Variants in CLNK observed in about 807,000 individuals in gnomAD.
CLNK encodes the protein cytokine-dependent hematopoietic cell linker.
In CLNK, 74 loss-of-function variants were observed where a neutral mutation model predicts 68.6. The ratio of observed to expected loss-of-function variants is 1.08; its 90% CI spans 0.89 to 1.31. CLNK has a LOEUF of 1.31. Among genes scored for constraint, CLNK ranks in the 50% most tolerant of loss-of-function variants. The pLI is 0.00. For synonymous variants in CLNK, 198 were observed against 172.2 expected (o/e 1.15, Z -1.17); for missense variants, 553 against 515.3 (o/e 1.07, Z -0.71).
intron 16 of CLNK, among the ~76,000 whole-genome samples, chr4:10,511,535 T>C (rs1038726022): frequency 6.6e-6 from 1 of 152,190 alleles, no homozygotes; most frequent in African/African-American, 2.4e-5. Flanking sequence ...ACCTCCTTCC[T>C]CAGGGCCCAG....
intron 2 of CLNK, among the ~76,000 whole-genome samples, chr4:10,663,682 A>G (rs1724281436): frequency 6.6e-6 from 1 of 152,206 alleles, no homozygotes; most frequent in South Asian, 2.1e-4. Context: ...ATTCATTTAT[A>G]CTTATAAAAT....
Position 10,667,452 on chromosome 4 carries a change from C to T in CLNK, c.11+407G>A, listed in dbSNP as rs74990479. On this transcript the variant is annotated intron_variant, in intron 2 of 18. Transcript: ENST00000226951. Reference sequence around the variant, plus strand: ...TAATCAGGCACAAATTTCGGTGTCTCAGACTGACCACACCACTTTTGGTGT... The same window carrying T: ...TAATCAGGCACAAATTTCGGTGTCTTAGACTGACCACACCACTTTTGGTGT... 1.7e-3 allele frequency among the ~76,000 whole-genome samples: 247 copies of T among 145,832 alleles called. 1 individual carries two copies. The highest frequency in any genetic ancestry group is 6.0e-3 in the African/African-American group (235 of 39,454).
rs148876788 is a variant in CLNK, at chr4:10,665,924, A to G, written c.11+1935T>C. 4.2e-4 allele frequency among the ~76,000 whole-genome samples: 64 copies of G among 152,350 alleles called. No homozygotes were observed. The East Asian group carries it at 0.011, about 25-fold the overall frequency. The stretch of plus-strand genomic sequence containing the variant: ...AAAAGCATCTTTGCAGATGTAGTTA[A>G]GGATCTTGATAAGAAATCATTTCTG... On this transcript the variant is annotated intron_variant, in intron 2 of 18. Transcript: ENST00000226951.
At chr4:10,610,452 G>C (rs1721969600) in intron 2 of CLNK, among the ~76,000 whole-genome samples, 1 of 151,656 alleles carries the variant, frequency 6.6e-6, no homozygotes, top group Admixed American at 6.6e-5. Context: ...TTGATGCCCA[G>C]GTTTCCAGAA....
intron 2 of CLNK, among the ~76,000 whole-genome samples, chr4:10,645,432 C>T (rs149941448): frequency 6.6e-6 from 1 of 152,146 alleles, no homozygotes; most frequent in South Asian, 2.1e-4. Context: ...CTGAAATATC[C>T]ATTCCTCTCC....
At chr4:10,636,799 G>A (rs1471557776) in intron 2 of CLNK, among the ~76,000 whole-genome samples, 2 of 152,214 alleles carry the variant, frequency 1.3e-5, no homozygotes, top group African/African-American at 2.4e-5. Context: ...AAGGTGCTGT[G>A]TGGTCACTGC....
intron 4 of CLNK, among the ~76,000 whole-genome samples, chr4:10,573,862 C>T (rs558711936): frequency 2.0e-4 from 31 of 152,250 alleles, no homozygotes; most frequent in Non-Finnish European, 4.4e-4. Flanking sequence ...GGAGCCTCTT[C>T]TCCCTCTCAC....
chr4:10,630,014 G>A (rs565935935), intron 2 of CLNK, among the ~76,000 whole-genome samples: 3 of 152,274 alleles, frequency 2.0e-5, no homozygotes, highest in East Asian at 1.9e-4. Flanking sequence ...TGGGGACCAC[G>A]GCAGTGCAAA....
chr4:10,733,959 C>T, the CLNK span, among the ~76,000 whole-genome samples: 105 of 152,260 alleles, frequency 6.9e-4, no homozygotes, highest in Non-Finnish European at 1.2e-3. Context: ...TAAAGTTAGT[C>T]TATGGCCAGC....
chr4:10,536,068 A>G (rs1223023192), intron 11 of CLNK, among the ~76,000 whole-genome samples: 4 of 152,190 alleles, frequency 2.6e-5, no homozygotes, highest in Admixed American at 2.6e-4. Context: ...AGAGAATAGC[A>G]GAGCTGGCAG....
At chr4:10,502,348 C>T (rs6855862) in intron 17 of CLNK, among the ~76,000 whole-genome samples, 3,887 of 152,030 alleles carry the variant, frequency 0.026, 185 homozygotes, top group African/African-American at 0.09. Context: ...CTTATAAAAC[C>T]ATCCTATCTC....
intron 12 of CLNK, chr4:10,531,556 C>A (rs1203051259): frequency 2.3e-5 from 7 of 306,216 alleles, no homozygotes; most frequent in Non-Finnish European, 4.6e-5. Flanking sequence ...CCTTCCTCAG[C>A]CTCCCGAGTA....
chr4:10,487,687 A>G lies in CLNK; in HGVS notation c.*2780T>C, dbSNP rs1383750264. On this transcript the variant is annotated 3_prime_UTR_variant, in exon 19 of 19. Coordinates refer to ENST00000226951, the MANE Select transcript of CLNK (RefSeq NM_052964.4). ...AGACAATGACTTAACAGGATGGGGCACTAAGACCCAGACATTACTGCCCAG... is the reference window on the plus strand; with the variant it reads ...AGACAATGACTTAACAGGATGGGGCGCTAAGACCCAGACATTACTGCCCAG... 1 of 151,978 alleles carries G rather than the reference A, an allele frequency of 6.6e-6. No homozygotes were observed. Among genetic ancestry groups the G allele is most frequent in the Non-Finnish European group, 1.5e-5 (1 of 68,016 alleles). The allele number at this position is 151,978 out of a possible 1,614,324, so 9.4% of individuals were successfully genotyped here. A position where few individuals can be genotyped will look rare whatever the true frequency, so the allele number is the denominator to read the frequency against.
chr4:10,501,213 T>C, intron 18 of CLNK, 43 bp downstream of exon 18: 1 of 1,512,026 alleles, frequency 6.6e-7, no homozygotes, highest in Non-Finnish European at 8.8e-7. Flanking sequence ...CCTTTATTTG[T>C]TGCGCTTAGC....
chr4:10,550,134 G>C (rs1719388502), intron 8 of CLNK, among the ~76,000 whole-genome samples: 1 of 152,220 alleles, frequency 6.6e-6, no homozygotes, highest in Non-Finnish European at 1.5e-5. Context: ...CTGCCAGCTT[G>C]CAATGGATGG....
intron 2 of CLNK, among the ~76,000 whole-genome samples, chr4:10,652,217 C>G (rs1723771151): frequency 6.6e-6 from 1 of 151,460 alleles, no homozygotes; most frequent in Non-Finnish European, 1.5e-5. Context: ...ACTGTCTCTA[C>G]TAAAAAATAC....
At chr4:10,512,289 A>T (rs566722920) in intron 16 of CLNK, among the ~76,000 whole-genome samples, 1 of 150,928 alleles carries the variant, frequency 6.6e-6, no homozygotes, top group African/African-American at 2.4e-5. Flanking sequence ...GGAGTGCAGT[A>T]GTGAGATCTT....
At chr4:10,707,759 G>A in the CLNK span, among the ~76,000 whole-genome samples, 9 of 152,130 alleles carry the variant, frequency 5.9e-5, no homozygotes, top group African/African-American at 2.2e-4. Flanking sequence ...GGGAATCATA[G>A]ACTTTTCTTT....
At chr4:10,589,867 A>G (rs945130432) in intron 3 of CLNK, among the ~76,000 whole-genome samples, 1 of 152,248 alleles carries the variant, frequency 6.6e-6, no homozygotes, top group Non-Finnish European at 1.5e-5. Context: ...AGGCCCATGT[A>G]TTAGCAAGCT....
Sources: allele counts gnomAD v4.1 joint callset (sites outside exome capture counted in the v4.1 genomes callset), GRCh38; gene constraint gnomAD v4.1.1; transcripts MANE v1.5; gene names NCBI Gene and HGNC (gene_info 2026-07-23, HGNC 2026-07-21).